Variants in RADIL observed in about 807,000 individuals in gnomAD.
RADIL encodes the protein Rap associating with DIL domain, also known as ras-associating and dilute domain-containing protein.
RADIL carries 99 observed loss-of-function variants against 97.6 expected under a neutral mutation model. That is an observed-to-expected ratio of 1.01 (90% confidence interval 0.86 to 1.20). The LOEUF is 1.20. Among genes scored for constraint, RADIL ranks in the 50% most tolerant of loss-of-function variants. RADIL has a pLI of 0.00. For synonymous variants in RADIL, 803 were observed against 691.8 expected (o/e 1.16, Z -2.52); for missense variants, 1,765 against 1,498.9 (o/e 1.18, Z -2.93).
At position 4,821,326 on chromosome 7, in the gene RADIL, T is replaced by G. The variant is rs28607652; in HGVS notation, c.1615+1068A>C. Among the ~76,000 whole-genome samples, 8,371 of 152,236 alleles carry G rather than the reference T, an allele frequency of 0.055. 369 individuals are homozygous for G. The highest frequency in any genetic ancestry group is 0.12 in the African/African-American group (5,180 of 41,540). ...TTGGGGGCAGAACCAAGGCTTCCCATGAGAGGTCTGGCCCCCAGTTCCCTG... is the reference window on the plus strand; with the variant it reads ...TTGGGGGCAGAACCAAGGCTTCCCAGGAGAGGTCTGGCCCCCAGTTCCCTG... On this transcript the variant is annotated intron_variant, in intron 6 of 14. Coordinates refer to ENST00000399583, the MANE Select transcript of RADIL (RefSeq NM_018059.5). This position sits in a 1 kb window ranked among gnomAD's most constrained non-coding sequence, Gnocchi z 5.2.
chr7:4,856,589 T>A (rs1235388809), intron 2 of RADIL, among the ~76,000 whole-genome samples: 1 of 152,250 alleles, frequency 6.6e-6, no homozygotes, highest in Non-Finnish European at 1.5e-5. Context: ...CAATCTCTTC[T>A]TTCATGACTT....
chr7:4,870,608 AT>A (rs2115044593), intron 2 of RADIL, among the ~76,000 whole-genome samples: 1 of 152,030 alleles, frequency 6.6e-6, no homozygotes, highest in South Asian at 2.1e-4. Context: ...TGCCTGGCTA[AT>A]TTTTTTATAT....
At chr7:4,809,672 T>TA in intron 9 of RADIL, 1 of 941,988 alleles carries the variant, frequency 1.1e-6, no homozygotes, top group South Asian at 4.9e-5. Context: ...TTTATTTATT[T>TA]ATTTTATTTT....
In RADIL at chr7:4,877,981, G is replaced by A. The variant is rs114261902; in HGVS notation, c.159C>T (p.Ala53=). The part of the protein sequence containing the change: ...FSSLGASDDP[A]ELSTQLSAPG... ...GGGCCGACAGCTGGGTGGAGAGCTCGGCGGGGTCATCGCTGGCGCCCAGGC... is the reference window on the plus strand; with the variant it reads ...GGGCCGACAGCTGGGTGGAGAGCTCAGCGGGGTCATCGCTGGCGCCCAGGC... The change falls in exon 2 of 15, where the codon GCC becomes GCT. Residue 53 remains alanine, a synonymous_variant. Transcript: ENST00000399583. The A allele has an allele frequency of 1.7e-5, 27 of 1,611,868 alleles. 1 individual carries two copies. Among genetic ancestry groups the A allele is most frequent in the South Asian group, 1.2e-4 (11 of 91,032 alleles).
intron 2 of RADIL, among the ~76,000 whole-genome samples, chr7:4,847,665 G>A (rs1213771216): frequency 7.9e-6 from 1 of 127,324 alleles, no homozygotes; most frequent in Non-Finnish European, 1.6e-5. Context: ...GCAATGAAAA[G>A]GAACAAAATA....
intron 14 of RADIL, 23 bp downstream of exon 14, chr7:4,799,607 G>T: frequency 3.7e-6 from 6 of 1,605,344 alleles, no homozygotes; most frequent in Non-Finnish European, 5.1e-6. Context: ...AGAAGGGGCC[G>T]GGCGTGCATG....
chr7:4,839,193 T>C (rs979956019), intron 2 of RADIL, among the ~76,000 whole-genome samples: 4 of 152,228 alleles, frequency 2.6e-5, no homozygotes, highest in Non-Finnish European at 5.9e-5. Context: ...AACACCGCTG[T>C]ATATAGCTTA....
chr7:4,800,521 G>A lies in RADIL; in HGVS notation c.2843-211C>T, dbSNP rs145799074. Among the ~76,000 whole-genome samples the A allele has an allele frequency of 7.4e-4, 113 of 152,242 alleles. 1 individual carries two copies. Among genetic ancestry groups the A allele is most frequent in the African/African-American group, 2.5e-3 (105 of 41,544 alleles). On this transcript the variant is annotated intron_variant, in intron 12 of 14. Coordinates refer to ENST00000399583, the MANE Select transcript of RADIL (RefSeq NM_018059.5). ...GGGCGACACCCCCATGTTCCCTGAG[G>A]GAGCACCTCAGTCCCCGCCCCTGGC... is the stretch of plus-strand genomic sequence containing the variant.
At chr7:4,806,573 G>A (rs756130683) in intron 9 of RADIL, among the ~76,000 whole-genome samples, 3 of 152,226 alleles carry the variant, frequency 2.0e-5, no homozygotes, top group Non-Finnish European at 2.9e-5. Context: ...TCTGCGGCCC[G>A]CCAGGACCTC....
rs925487416 is a variant in RADIL, at chr7:4,799,899, C to T, written c.2983-130G>A. 57 of 1,338,802 alleles carry T rather than the reference C, an allele frequency of 4.3e-5. No homozygotes were observed. In the Admixed American group the frequency reaches 7.3e-4, roughly 17 times the overall value. The allele number at this position is 1,338,802 out of a possible 1,614,324, so 82.9% of individuals were successfully genotyped here. A position where few individuals can be genotyped will look rare whatever the true frequency, so the allele number is the denominator to read the frequency against. On this transcript the variant is annotated intron_variant, in intron 13 of 14. Coordinates refer to ENST00000399583, the MANE Select transcript of RADIL (RefSeq NM_018059.5). ...CCAGCCAGGCCCACTCATGGTTTCA[C>T]GCGTCCCTCCAGAAAAGCAGTGGAC...
In RADIL at chr7:4,878,297, G is replaced by A. The variant is rs371210719; in HGVS notation, c.-64-94C>T. 6.1e-5 allele frequency: 48 copies of A among 788,650 alleles called. No individual in the cohort carries two copies. The highest frequency in any genetic ancestry group is 3.9e-4 in the African/African-American group (22 of 57,086). 48.9% of individuals were successfully genotyped at this position (788,650 alleles called of 1,614,324 possible). On this transcript the variant is annotated intron_variant, in intron 1 of 14. Transcript: ENST00000399583. The surrounding 1 kb of genome is among the most constrained non-coding windows in gnomAD (Gnocchi z 4.1). Reference sequence around the variant, plus strand: ...GGTGACTCCTGCCCGTCATCCCAGCGCTTTAGAAGGCCAAGGTGGGAGGAC... The same window carrying A: ...GGTGACTCCTGCCCGTCATCCCAGCACTTTAGAAGGCCAAGGTGGGAGGAC...
At chr7:4,861,339 T>A in intron 2 of RADIL, 1 of 1,614,082 alleles carries the variant, frequency 6.2e-7, no homozygotes, top group South Asian at 1.1e-5. Flanking sequence ...CACAGTTTGA[T>A]AACTGGCACA....
rs1332360362 is a variant in RADIL at position 4,819,354 on chromosome 7, G to A, written c.1616-2003C>T. 6.6e-6 allele frequency among the ~76,000 whole-genome samples: 1 copy of A among 152,054 alleles called. No individual in the cohort carries two copies. The highest frequency in any genetic ancestry group is 1.5e-5 in the Non-Finnish European group (1 of 68,020). On this transcript the variant is annotated intron_variant, in intron 6 of 14. Transcript: ENST00000399583. The surrounding 1 kb of genome is among the most constrained non-coding windows in gnomAD (Gnocchi z 5.8). The stretch of plus-strand genomic sequence containing the variant: ...CCCAAAGTGCGGGGAGGACAGGTGT[G>A]AGCCCAGCCCTGAGACTCCATTTCT...
chr7:4,820,475 T>TG lies in RADIL; in HGVS notation c.1615+1918dup, dbSNP rs376929215. ...GACAGGCAGGGGCTGCCCCATCACG[T>TG]GGGGGGCAAGGGCACAGGCCAGATG... On this transcript the variant is annotated intron_variant, in intron 6 of 14. Transcript: ENST00000399583. Among the ~76,000 whole-genome samples, 38 of 152,246 alleles carry TG rather than the reference T, an allele frequency of 2.5e-4. 1 individual carries two copies. Among genetic ancestry groups the TG allele is most frequent in the African/African-American group, 8.7e-4 (36 of 41,564 alleles).
At chr7:4,838,112 T>TGCTGG (rs1783349823) in intron 2 of RADIL, 3 of 957,502 alleles carry the variant, frequency 3.1e-6, no homozygotes, top group Non-Finnish European at 3.7e-6. Context: ...AGTGCGAGGC[T>TGCTGG]GCTGGGCTGG....
At chr7:4,845,013 C>T (rs1374512807) in intron 2 of RADIL, among the ~76,000 whole-genome samples, 1 of 148,864 alleles carries the variant, frequency 6.7e-6, no homozygotes, top group African/African-American at 2.5e-5. Flanking sequence ...AATTAAGAAA[C>T]GAGGGGTGTT....
rs546484401 is a variant in RADIL, at chr7:4,834,858, G to A, written c.1165C>T (p.Arg389Trp). The A allele has an allele frequency of 7.6e-6, 10 of 1,323,362 alleles. No individual in the cohort carries two copies. The highest frequency in any genetic ancestry group is 3.1e-5 in the African/African-American group (2 of 64,864). 82.0% of individuals were successfully genotyped at this position (1,323,362 alleles called of 1,614,324 possible). ...GCCTGAGTAGGGGAGGCGGCTCCCC[G>A]GGCCCCGAGCGCGGCCCCGCACAGC... ...CRLCGAALGA[R>W]GAASPTQAAL... Residue 389 changes from arginine to tryptophan, a missense_variant, in exon 4 of 15, where the codon CGG (arginine) becomes TGG (tryptophan). Transcript: ENST00000399583. This position sits in a 1 kb window ranked among gnomAD's most constrained non-coding sequence, Gnocchi z 6.0.
chr7:4,869,463 A>C (rs1012374074), intron 2 of RADIL, among the ~76,000 whole-genome samples: 1 of 152,002 alleles, frequency 6.6e-6, no homozygotes, highest in Non-Finnish European at 1.5e-5. Flanking sequence ...TCTTTATGAA[A>C]TCTTTCATTT....
chr7:4,799,877 G>A lies in RADIL; in HGVS notation c.2983-108C>T, dbSNP rs1030568123. 4.3e-6 allele frequency: 6 copies of A among 1,405,846 alleles called. No homozygotes were observed. The African/African-American group carries it at 7.2e-5, about 17-fold the overall frequency. 87.1% of individuals were successfully genotyped at this position (1,405,846 alleles called of 1,614,324 possible). A position where few individuals can be genotyped will look rare whatever the true frequency, so the allele number is the denominator to read the frequency against. On this transcript the variant is annotated intron_variant, in intron 13 of 14. Transcript: ENST00000399583. ...CCTACAGGCCCCCGCCTGGCATCCAGCCAGGCCCACTCATGGTTTCACGCG... is the reference window on the plus strand; with the variant it reads ...CCTACAGGCCCCCGCCTGGCATCCAACCAGGCCCACTCATGGTTTCACGCG...
Sources: allele counts gnomAD v4.1 joint callset (sites outside exome capture counted in the v4.1 genomes callset), GRCh38; gene constraint gnomAD v4.1.1; non-coding constraint Gnocchi (gnomAD v3.1); transcripts MANE v1.5; gene names NCBI Gene and HGNC (gene_info 2026-07-23, HGNC 2026-07-21).